The following ITGB8 variants were observed in gnomAD, a reference collection of about 807,000 sequenced individuals.
ITGB8 encodes integrin beta-8.
Under a neutral mutation model 89.5 loss-of-function variants are expected in ITGB8, and 30 were observed. The observed-to-expected ratio is 0.34, with a 90% confidence interval of 0.25 to 0.45. The LOEUF (loss-of-function observed/expected upper bound fraction) is 0.45. Among genes scored for constraint, ITGB8 ranks in the 20% least tolerant of loss-of-function variants. ITGB8 has a pLI of 1.00. For synonymous variants in ITGB8, 335 were observed against 320.4 expected, an observed-to-expected ratio of 1.05 and a Z score of -0.49; for missense variants, 836 against 933.3, an observed-to-expected ratio of 0.90 and a Z score of 1.36.
At position 20,401,885 on chromosome 7, in the gene ITGB8, A is replaced by G. The variant is rs1787326404; in HGVS notation, c.1446A>G (p.Val482=). 3 of 1,614,126 alleles carry G rather than the reference A, an allele frequency of 1.9e-6. No homozygotes were observed. Among genetic ancestry groups the G allele is most frequent in the Non-Finnish European group, 2.5e-6 (3 of 1,179,976 alleles). Residue 482 remains valine (V), a synonymous_variant, in exon 10 of 14, where the codon GTA becomes GTG. Coordinates refer to ENST00000222573, the MANE Select transcript of ITGB8 (RefSeq NM_002214.3). ...EDNRGPKGKC[V]DETFLDSKCF... ...ACAGAGGACCTAAAGGAAAGTGTGT[A>G]GATGAAACTTTTCTAGATTCCAAGT...
chr7:20,367,107 T>A lies in ITGB8; in HGVS notation c.309T>A (p.Ser103=). The A allele has an allele frequency of 6.2e-7, 1 of 1,611,044 alleles. No homozygotes were observed. Residue 103 remains serine (S), a synonymous_variant, in exon 3 of 14, where the codon TCT becomes TCA. Transcript: ENST00000222573. ...GCSVDSIEYP[S]VHVIIPTENE... is the part of the protein sequence containing the mutation. The stretch of plus-strand genomic sequence containing the variant: ...CAGTTGATTCAATAGAATACCCATC[T>A]GTGCATGTTATAATACCCACTGAAA...
intron 4 of ITGB8, 124 bp from the exon 5 acceptor site, chr7:20,380,542 A>G: frequency 1.3e-6 from 1 of 753,898 alleles, no homozygotes; most frequent in Non-Finnish European, 2.2e-6. Flanking sequence ...TTTTCGTCGT[A>G]TAAAGTTTCC....
chr7:20,358,748 G>A (rs1785389609), intron 1 of ITGB8, among the ~76,000 whole-genome samples: 1 of 152,126 alleles, frequency 6.6e-6, no homozygotes, highest in African/African-American at 2.4e-5. Flanking sequence ...GAGTGTACAT[G>A]TGCAGGTTTG....
intron 3 of ITGB8, among the ~76,000 whole-genome samples, chr7:20,368,137 C>T (rs1785779443): frequency 6.6e-6 from 1 of 152,094 alleles, no homozygotes; most frequent in Non-Finnish European, 1.5e-5. Flanking sequence ...CTTTCTTGGC[C>T]CTGGGCATAT....
chr7:20,378,327 A>G (rs1786238361), intron 3 of ITGB8, among the ~76,000 whole-genome samples: 1 of 152,194 alleles, frequency 6.6e-6, no homozygotes, highest in East Asian at 1.9e-4. Context: ...CCTCCTCAGC[A>G]TGTGTTCATT....
At chr7:20,403,720 A>C (rs1787410547) in intron 10 of ITGB8, among the ~76,000 whole-genome samples, 1 of 151,754 alleles carries the variant, frequency 6.6e-6, no homozygotes, top group Admixed American at 6.6e-5. Flanking sequence ...AGAGAGAGGG[A>C]GCTAAGAAAG....
chr7:20,407,234 T>C (rs929367927), intron 12 of ITGB8, among the ~76,000 whole-genome samples: 11 of 119,602 alleles, frequency 9.2e-5, no homozygotes, highest in African/African-American at 3.0e-4. Context: ...AGCCACACCA[T>C]AGCAAGCATA....
At chr7:20,385,240 A>T (rs1299235089) in intron 6 of ITGB8, among the ~76,000 whole-genome samples, 1 of 152,228 alleles carries the variant, frequency 6.6e-6, no homozygotes, top group Non-Finnish European at 1.5e-5. Flanking sequence ...TCATCCAATG[A>T]ACCTTATCAA....
intron 3 of ITGB8, among the ~76,000 whole-genome samples, chr7:20,374,244 T>C (rs1444682120): frequency 6.6e-6 from 1 of 152,148 alleles, no homozygotes; most frequent in Non-Finnish European, 1.5e-5. Flanking sequence ...GTAGTAAACA[T>C]GTGGGCCCTT....
chr7:20,386,415 T>TTC (rs1786625334), intron 6 of ITGB8, among the ~76,000 whole-genome samples: 2 of 146,162 alleles, frequency 1.4e-5, no homozygotes, highest in South Asian at 4.4e-4. Context: ...ATTTTTTTTT[T>TTC]TTTTTTTTTT....
chr7:20,332,064 G>T (rs1049459163), intron 1 of ITGB8, 131 bp downstream of exon 1: 1 of 1,458,494 alleles, frequency 6.9e-7, no homozygotes, highest in Non-Finnish European at 9.0e-7. Flanking sequence ...GGGCGGGTGC[G>T]GGGCAGCGTC....
chr7:20,380,474 C>T, intron 4 of ITGB8, 192 bp from the exon 5 acceptor site: 4 of 537,370 alleles, frequency 7.4e-6, no homozygotes, highest in South Asian at 2.5e-5. Flanking sequence ...GTCTTATTTC[C>T]TATTTGCAAA....
At chr7:20,404,939 C>A in intron 11 of ITGB8, 86 bp downstream of exon 11, 1 of 1,140,320 alleles carries the variant, frequency 8.8e-7, no homozygotes, top group Non-Finnish European at 1.3e-6. Context: ...TAAACGTTGC[C>A]AGATACATTG....
chr7:20,373,064 A>T (rs905414266), intron 3 of ITGB8, among the ~76,000 whole-genome samples: 1 of 152,192 alleles, frequency 6.6e-6, no homozygotes, highest in Non-Finnish European at 1.5e-5. Flanking sequence ...AGCTCTTAAT[A>T]TTAATTTTGA....
intron 1 of ITGB8, among the ~76,000 whole-genome samples, chr7:20,361,476 G>C (rs976298852): frequency 6.6e-6 from 1 of 152,188 alleles, no homozygotes; most frequent in Non-Finnish European, 1.5e-5. Flanking sequence ...ACTTCTTGCT[G>C]TGTCCTTACA....
intron 7 of ITGB8, among the ~76,000 whole-genome samples, chr7:20,393,356 G>A (rs1334046397): frequency 6.6e-6 from 1 of 152,188 alleles, no homozygotes; most frequent in Non-Finnish European, 1.5e-5. Context: ...GGAAGCTCCG[G>A]TGTGAGCCCC....
At chr7:20,409,836 T>C (rs1787694575) in intron 13 of ITGB8, 39 bp from the exon 14 acceptor site, 1 of 1,610,638 alleles carries the variant, frequency 6.2e-7, no homozygotes, top group Non-Finnish European at 8.5e-7. Flanking sequence ...TTACAATATT[T>C]AGGCCCTTAG....
At chr7:20,407,987 A>C (rs140427032) in intron 12 of ITGB8, among the ~76,000 whole-genome samples, 1 of 152,272 alleles carries the variant, frequency 6.6e-6, no homozygotes, top group Non-Finnish European at 1.5e-5. Flanking sequence ...TTGTGCAAGG[A>C]GAGGGAAAGG....
intron 6 of ITGB8, among the ~76,000 whole-genome samples, chr7:20,388,859 T>A (rs939270135): frequency 3.3e-5 from 5 of 152,202 alleles, no homozygotes; most frequent in African/African-American, 7.2e-5. Flanking sequence ...ATTGTTCATC[T>A]CCCACTTATG....
Sources: allele counts gnomAD v4.1 joint callset (sites outside exome capture counted in the v4.1 genomes callset), GRCh38; gene constraint gnomAD v4.1.1; transcripts MANE v1.5; gene names NCBI Gene and HGNC (gene_info 2026-07-23, HGNC 2026-07-21).